PUDP: variants seen among roughly 807,000 people sequenced by gnomAD.
The protein encoded by PUDP is pseudouridine 5'-phosphatase.
Under a neutral mutation model 9.4 loss-of-function variants are expected in PUDP, and 8 were observed. The ratio of observed to expected loss-of-function variants is 0.85; its 90% CI spans 0.50 to 1.53. PUDP has a LOEUF of 1.53. PUDP is among the 40% of genes most tolerant of loss of function. The pLI is 0.00. For missense variants in PUDP, 188 were observed against 189.7 expected (o/e 0.99, Z 0.05); for synonymous variants, 99 against 80.7 (o/e 1.23, Z -1.22).
At chrX:6,933,252 A>G (rs967227759) in intron 3 of PUDP, among the ~76,000 whole-genome samples, 8 of 109,515 alleles carry the variant, frequency 7.3e-5, no homozygotes, top group Non-Finnish European at 9.5e-5. Flanking sequence ...GGGCAGACTG[A>G]CACTTCACAT....
At chrX:6,816,737 C>CATAGTATATACGAT (rs1223057980) in intron 3 of PUDP, among the ~76,000 whole-genome samples, 1 of 95,581 alleles carries the variant, frequency 1.0e-5, no homozygotes, top group Non-Finnish European at 2.0e-5. Context: ...TATATACACA[C>CATAGTATATACGAT]ATAGTATATA....
At chrX:7,121,521 C>T (rs1932344015) in intron 1 of PUDP, among the ~76,000 whole-genome samples, 1 of 111,485 alleles carries the variant, frequency 9.0e-6, no homozygotes, top group Admixed American at 9.5e-5. Context: ...GCAGGTCCCA[C>T]TACTGTTTTA....
intron 2 of PUDP, among the ~76,000 whole-genome samples, chrX:7,081,102 T>C (rs1405784096): frequency 1.8e-5 from 2 of 112,007 alleles, no homozygotes; most frequent in Non-Finnish European, 3.8e-5. Context: ...AAACACACTG[T>C]ATAAAAATTT....
At chrX:7,080,313 T>C (rs569209394) in intron 2 of PUDP, among the ~76,000 whole-genome samples, 1 of 112,469 alleles carries the variant, frequency 8.9e-6, no homozygotes, top group East Asian at 2.8e-4. Flanking sequence ...ATGAAAGGAA[T>C]TGAATTTGTA....
At chrX:6,733,795 T>TTTTTTA (rs1924841587) in intron 3 of PUDP, among the ~76,000 whole-genome samples, 1 of 84,323 alleles carries the variant, frequency 1.2e-5, no homozygotes, top group Admixed American at 1.3e-4. Flanking sequence ...TTTTTTTTTT[T>TTTTTTA]GAGATGGAAT....
intron 3 of PUDP, among the ~76,000 whole-genome samples, chrX:6,939,380 AAT>A (rs1295128721): frequency 8.6e-4 from 92 of 106,465 alleles, no homozygotes; most frequent in African/African-American, 3.0e-3. Context: ...TAATATTATT[AAT>A]ATATATTATT....
intron 3 of PUDP, among the ~76,000 whole-genome samples, chrX:6,953,981 G>A (rs770982143): frequency 1.8e-5 from 2 of 110,251 alleles, no homozygotes; most frequent in Non-Finnish European, 3.8e-5. Flanking sequence ...CACGAGATCC[G>A]ATGGTTTTAT....
chrX:6,821,571 C>T (rs186801301), intron 3 of PUDP, among the ~76,000 whole-genome samples: 2 of 111,720 alleles, frequency 1.8e-5, no homozygotes, highest in East Asian at 5.7e-4. Context: ...TGACCTTCCC[C>T]AAAGCAGGCC....
At chrX:6,720,258 G>GTGTGTATATATATATA (rs1555907522) in intron 1 of PUDP, among the ~76,000 whole-genome samples, 12 of 48,793 alleles carry the variant, frequency 2.5e-4, no homozygotes, top group African/African-American at 8.3e-4. Flanking sequence ...GTGTGTGTGT[G>GTGTGTATATATATATA]TATATATATA....
intron 3 of PUDP, among the ~76,000 whole-genome samples, chrX:6,770,476 T>G (rs185075541): frequency 8.9e-6 from 1 of 112,330 alleles, no homozygotes; most frequent in East Asian, 2.8e-4. Flanking sequence ...AAGCCTTGGT[T>G]TTTTTGTTTG....
intron 3 of PUDP, among the ~76,000 whole-genome samples, chrX:6,832,632 T>C (rs889631964): frequency 1.8e-5 from 2 of 111,617 alleles, no homozygotes; most frequent in Non-Finnish European, 3.8e-5. Flanking sequence ...GATGGATATA[T>C]TTGAAGCTAT....
At chrX:6,862,854 T>G in intron 3 of PUDP, among the ~76,000 whole-genome samples, 1 of 111,302 alleles carries the variant, frequency 9.0e-6, no homozygotes, top group Middle Eastern at 4.7e-3. Flanking sequence ...TCGCTCACAA[T>G]ATTAATTAAA....
At chrX:6,769,085 GA>G (rs1182144060) in intron 3 of PUDP, among the ~76,000 whole-genome samples, 1 of 111,986 alleles carries the variant, frequency 8.9e-6, no homozygotes, top group Non-Finnish European at 1.9e-5. Context: ...AATGGATCTT[GA>G]ACACAGTGTG....
intron 2 of PUDP, among the ~76,000 whole-genome samples, chrX:7,079,637 T>C (rs1226285809): frequency 8.9e-6 from 1 of 112,920 alleles, no homozygotes; most frequent in African/African-American, 3.2e-5. Context: ...GATGGTAGAA[T>C]TAAAATAGAC....
intron 3 of PUDP, among the ~76,000 whole-genome samples, chrX:6,812,375 T>A: frequency 8.9e-6 from 1 of 112,033 alleles, no homozygotes; most frequent in Non-Finnish European, 1.9e-5. Flanking sequence ...GTTCCAGTAA[T>A]TTTTTTCTTT....
At chrX:6,983,625 C>T (rs752264206) in intron 1 of PUDP, among the ~76,000 whole-genome samples, 105 of 111,556 alleles carry the variant, frequency 9.4e-4, no homozygotes, top group Non-Finnish European at 1.7e-3. Context: ...TTTAGCCTTT[C>T]GGGAAGGGCT....
At chrX:6,713,983 C>T (rs1189408164) in intron 1 of PUDP, among the ~76,000 whole-genome samples, 1 of 111,158 alleles carries the variant, frequency 9.0e-6, no homozygotes, top group Non-Finnish European at 1.9e-5. Context: ...GTCTCAACCT[C>T]CTGTGCTCAA....
chrX:6,922,209 TAATG>T (rs1035224047), intron 3 of PUDP, among the ~76,000 whole-genome samples: 2 of 111,401 alleles, frequency 1.8e-5, no homozygotes, highest in African/African-American at 6.5e-5. Flanking sequence ...AGAATAACTA[TAATG>T]AATAATAACT....
chrX:7,065,081 C>T (rs763222646), intron 3 of PUDP, among the ~76,000 whole-genome samples: 6 of 111,632 alleles, frequency 5.4e-5, no homozygotes, highest in Non-Finnish European at 1.1e-4. Context: ...ATATAAGAGA[C>T]GTGATCTCAG....
Sources: allele counts gnomAD v4.1 joint callset (sites outside exome capture counted in the v4.1 genomes callset), GRCh38; gene constraint gnomAD v4.1.1; transcripts MANE v1.5; gene names NCBI Gene and HGNC (gene_info 2026-07-23, HGNC 2026-07-21).